The following KLRG1 variants were observed in gnomAD, a reference collection of about 807,000 sequenced individuals.
KLRG1 encodes the protein killer cell lectin-like receptor subfamily G member 1.
A neutral mutation model predicts 21.8 loss-of-function variants in KLRG1; 16 were observed. That is an observed-to-expected ratio of 0.73 (90% CI 0.50 to 1.11). The LOEUF is 1.11. KLRG1 is among the 50% of genes most tolerant of loss of function. The pLI, the probability that KLRG1 is intolerant of heterozygous loss-of-function variation, is 0.00. For missense variants in KLRG1, 173 were observed against 218.3 expected (o/e 0.79, Z 1.31); for synonymous variants, 69 against 75.9 (o/e 0.91, Z 0.47).
chr12:9,052,802 A>G, the KLRG1 span: 2 of 450,042 alleles, frequency 4.4e-6, no homozygotes, highest in Non-Finnish European at 8.9e-6. Flanking sequence ...TAATAATAGT[A>G]TCTACATCAT....
At chr12:9,215,478 G>A in the KLRG1 span, among the ~76,000 whole-genome samples, 5 of 151,576 alleles carry the variant, frequency 3.3e-5, no homozygotes, top group East Asian at 5.8e-4. Context: ...TAATAAATAC[G>A]AAAAAAGTCC....
At chr12:9,148,469 T>G in the KLRG1 span, among the ~76,000 whole-genome samples, 1 of 152,180 alleles carries the variant, frequency 6.6e-6, no homozygotes, top group African/African-American at 2.4e-5. Flanking sequence ...TCTTTATTTT[T>G]TTAATCCATA....
chr12:9,020,257 A>C, the KLRG1 span, among the ~76,000 whole-genome samples: 1 of 152,172 alleles, frequency 6.6e-6, no homozygotes. Context: ...ATTGACATAC[A>C]ATAAGTGGGA....
At position 9,010,275 on chromosome 12, in the gene KLRG1, A is replaced by G; in HGVS notation, c.*738A>G. 2.4e-6 allele frequency: 1 copy of G among 423,966 alleles called. No individual in the cohort carries two copies. Among genetic ancestry groups the G allele is most frequent in the South Asian group, 4.9e-5 (1 of 20,226 alleles). The allele number at this position is 423,966 out of a possible 1,614,324, so 26.3% of individuals were successfully genotyped here. A position where few individuals can be genotyped will look rare whatever the true frequency, so the allele number is the denominator to read the frequency against. On this transcript the variant is annotated 3_prime_UTR_variant, in exon 5 of 5. Coordinates refer to ENST00000356986, the MANE Select transcript of KLRG1 (RefSeq NM_005810.4). ...TACTTCCTCCTTCTGAGCTCTTCAC[A>G]CGTAATGCAAAAACCCGGTCTTAAC...
chr12:9,080,364 G>A, the KLRG1 span: 37 of 386,360 alleles, frequency 9.6e-5, no homozygotes, highest in East Asian at 2.3e-4. Context: ...GTGATTTTCA[G>A]AATTTCTTCT....
At chr12:9,126,650 C>CTGCTCCAAGCCTAGAAGTTTCTTTT in the KLRG1 span, among the ~76,000 whole-genome samples, 1 of 152,308 alleles carries the variant, frequency 6.6e-6, no homozygotes, top group South Asian at 2.1e-4. Flanking sequence ...AAATACCATA[C>CTGCTCCAAGCCTAGAAGTTTCTTTT]TGCTCCAAGC....
At chr12:9,013,593 A>G (rs935546551), downstream of KLRG1, among the ~76,000 whole-genome samples, 1 of 152,176 alleles carries the variant, frequency 6.6e-6, no homozygotes, top group Non-Finnish European at 1.5e-5. Flanking sequence ...CCTCACAATT[A>G]TGGTAGAAGG....
the KLRG1 span, among the ~76,000 whole-genome samples, chr12:9,180,300 T>C: frequency 6.6e-6 from 1 of 152,258 alleles, no homozygotes; most frequent in East Asian, 1.9e-4. Flanking sequence ...AAAAAACTAC[T>C]TTAAAGTTCA....
intron 3 of KLRG1, among the ~76,000 whole-genome samples, chr12:9,005,217 A>G (rs1019635730): frequency 2.0e-5 from 3 of 149,374 alleles, no homozygotes; most frequent in African/African-American, 4.9e-5. Flanking sequence ...GTGGGGGGCA[A>G]GGGGAGGGAT....
At chr12:9,059,227 A>G in the KLRG1 span, among the ~76,000 whole-genome samples, 1 of 152,214 alleles carries the variant, frequency 6.6e-6, no homozygotes, top group Non-Finnish European at 1.5e-5. Flanking sequence ...CTTTCTCTAC[A>G]TTTCACAGTA....
chr12:9,181,019 C>A, the KLRG1 span: 1 of 1,614,050 alleles, frequency 6.2e-7, no homozygotes, highest in East Asian at 2.2e-5. Flanking sequence ...GCTTCATGAG[C>A]AGCACACTTT....
the KLRG1 span, chr12:9,093,624 A>C: frequency 2.6e-6 from 3 of 1,145,704 alleles, no homozygotes; most frequent in East Asian, 2.5e-5. Context: ...CATACAGATA[A>C]AGCTTATGAG....
chr12:9,181,768 A>T, the KLRG1 span, among the ~76,000 whole-genome samples: 2 of 152,110 alleles, frequency 1.3e-5, no homozygotes, highest in African/African-American at 4.8e-5. Context: ...TGAACACAAA[A>T]CTGATTGTAT....
intron 1 of KLRG1, among the ~76,000 whole-genome samples, chr12:8,974,557 T>A (rs899644214): frequency 1.3e-5 from 2 of 152,140 alleles, no homozygotes; most frequent in Admixed American, 6.6e-5. Flanking sequence ...TCTATACCCA[T>A]TTTTTGAGAA....
chr12:8,993,490 A>G (rs1306576737), intron 2 of KLRG1, among the ~76,000 whole-genome samples: 3 of 151,892 alleles, frequency 2.0e-5, no homozygotes, highest in Non-Finnish European at 2.9e-5. Context: ...GGGTTTCACT[A>G]TGTTGGCCAG....
chr12:9,208,346 A>T, the KLRG1 span: 2 of 1,611,036 alleles, frequency 1.2e-6, no homozygotes, highest in East Asian at 4.5e-5. Flanking sequence ...CCGCATTGTG[A>T]GGGATAAATC....
downstream of KLRG1, among the ~76,000 whole-genome samples, chr12:9,012,617 TAAG>T (rs918369315): frequency 4.0e-5 from 6 of 151,530 alleles, no homozygotes; most frequent in African/African-American, 1.5e-4. Context: ...TGGACATAGA[TAAG>T]GAGAGATTTA....
At chr12:8,963,546 C>T (rs143542998) in intron 1 of KLRG1, among the ~76,000 whole-genome samples, 2,679 of 152,292 alleles carry the variant, frequency 0.018, 72 homozygotes, top group African/African-American at 0.06. Flanking sequence ...ATGCTGGCCT[C>T]ATAAAATGAG....
chr12:9,191,703 A>G, the KLRG1 span, among the ~76,000 whole-genome samples: 1 of 152,128 alleles, frequency 6.6e-6, no homozygotes, highest in Non-Finnish European at 1.5e-5. Context: ...TATTTGACTT[A>G]GAATAGAAAA....
Sources: allele counts gnomAD v4.1 joint callset (sites outside exome capture counted in the v4.1 genomes callset), GRCh38; gene constraint gnomAD v4.1.1; transcripts MANE v1.5; gene names NCBI Gene and HGNC (gene_info 2026-07-23, HGNC 2026-07-21).